FOCAD: variants seen among roughly 807,000 people sequenced by gnomAD.
FOCAD encodes the protein KIAA1797.
A neutral mutation model predicts 225.6 loss-of-function variants in FOCAD; 198 were observed. That is an observed-to-expected ratio of 0.88 (90% CI 0.78 to 0.99). The LOEUF is 0.99. Ranked by LOEUF, FOCAD falls within the 50% of genes least tolerant of loss-of-function variation. The pLI is 0.00. For missense variants in FOCAD, 2,713 were observed against 2,123.6 expected (o/e 1.28, Z -5.46); for synonymous variants, 897 against 755.0 (o/e 1.19, Z -3.08).
chr9:20,743,240 A>G (rs1435247688), intron 5 of FOCAD, among the ~76,000 whole-genome samples: 1 of 152,230 alleles, frequency 6.6e-6, no homozygotes, highest in Non-Finnish European at 1.5e-5. Flanking sequence ...CTCCACTGAG[A>G]GGTGTTTTCT....
rs1564165798 is a variant in FOCAD, at chr9:20,929,356, A to C, written c.3079-2A>C. The stretch of plus-strand genomic sequence containing the variant: ...CTGTTTTCTTTCTTTGGCATGTCCT[A>C]GAAGTCCTATTCTGGTGAAAACACA... On this transcript the variant is annotated splice_acceptor_variant, in intron 26 of 43. Coordinates refer to ENST00000338382, the MANE Select transcript of FOCAD (RefSeq NM_001375567.1). LOFTEE classifies it high-confidence loss of function. 1.2e-6 allele frequency: 2 copies of C among 1,613,146 alleles called. No individual in the cohort carries two copies. Among genetic ancestry groups the C allele is most frequent in the Admixed American group, 3.3e-5 (2 of 60,004 alleles).
At chr9:20,793,796 A>G (rs1820786049) in intron 11 of FOCAD, among the ~76,000 whole-genome samples, 1 of 152,224 alleles carries the variant, frequency 6.6e-6, no homozygotes, top group African/African-American at 2.4e-5. Flanking sequence ...GAATCAGAGC[A>G]GGCTTTGTGG....
chr9:20,879,222 A>G (rs1830476851), intron 19 of FOCAD, among the ~76,000 whole-genome samples: 1 of 152,202 alleles, frequency 6.6e-6, no homozygotes, highest in Admixed American at 6.5e-5. Flanking sequence ...TAAAGACAGT[A>G]ACAAGGTAAT....
Position 20,820,426 on chromosome 9 carries a change from G to T in FOCAD, c.1662+1G>T, listed in dbSNP as rs1396806622. 1.2e-6 allele frequency: 2 copies of T among 1,611,048 alleles called. No individual in the cohort carries two copies. Among genetic ancestry groups the T allele is most frequent in the Non-Finnish European group, 1.7e-6 (2 of 1,178,144 alleles). The stretch of plus-strand genomic sequence containing the variant: ...GCTGACATCTTTGTGGGAAAAGCAG[G>T]TAATTTCAGATATACACTTGCATGA... On this transcript the variant is annotated splice_donor_variant, in intron 13 of 43. Coordinates refer to ENST00000338382, the MANE Select transcript of FOCAD (RefSeq NM_001375567.1). LOFTEE classifies it high-confidence loss of function.
At chr9:20,752,523 T>C (rs1446461857) in intron 5 of FOCAD, among the ~76,000 whole-genome samples, 2 of 152,202 alleles carry the variant, frequency 1.3e-5, no homozygotes, top group South Asian at 4.1e-4. Context: ...TCTATATCTC[T>C]GTTTTGGTAC....
intron 35 of FOCAD, among the ~76,000 whole-genome samples, chr9:20,962,365 T>A (rs1838817663): frequency 6.6e-6 from 1 of 152,052 alleles, no homozygotes; most frequent in African/African-American, 2.4e-5. Flanking sequence ...TTTCTAATAT[T>A]TGTTTATCTA....
intron 1 of FOCAD, among the ~76,000 whole-genome samples, chr9:20,696,800 C>CTTA (rs1401708487): frequency 6.6e-6 from 1 of 150,920 alleles, no homozygotes; most frequent in Non-Finnish European, 1.5e-5. Context: ...AAGACTCTAT[C>CTTA]TTATAATAAT....
At chr9:20,789,263 T>C in intron 10 of FOCAD, 88 bp from the exon 11 acceptor site, 1 of 1,440,530 alleles carries the variant, frequency 6.9e-7, no homozygotes, top group Non-Finnish European at 9.6e-7. Context: ...AGTGATATCT[T>C]ACAATGAAAT....
intron 35 of FOCAD, among the ~76,000 whole-genome samples, chr9:20,959,660 T>C (rs1838516807): frequency 6.6e-6 from 1 of 152,164 alleles, no homozygotes; most frequent in Admixed American, 6.5e-5. Flanking sequence ...AGTTTTATCA[T>C]TTTGTGTCTT....
chr9:20,896,104 G>C (rs1466561153), intron 21 of FOCAD, among the ~76,000 whole-genome samples: 1 of 151,756 alleles, frequency 6.6e-6, no homozygotes, highest in Non-Finnish European at 1.5e-5. Flanking sequence ...TGCTTTTTCT[G>C]CATCTATTGA....
upstream of FOCAD, among the ~76,000 whole-genome samples, chr9:20,656,939 C>T (rs7858978): frequency 0.21 from 31,470 of 149,302 alleles, 3,532 homozygotes; most frequent in African/African-American, 0.24. Context: ...CCATGTTTAG[C>T]GCTTCCTTCA....
chr9:20,880,596 A>G (rs565183956), intron 19 of FOCAD, among the ~76,000 whole-genome samples: 16 of 152,314 alleles, frequency 1.1e-4, no homozygotes, highest in African/African-American at 3.8e-4. Flanking sequence ...GAGTAAATGG[A>G]AAACGTCACA....
chr9:20,810,183 A>G (rs1219447296), intron 11 of FOCAD, among the ~76,000 whole-genome samples: 1 of 152,178 alleles, frequency 6.6e-6, no homozygotes, highest in Non-Finnish European at 1.5e-5. Context: ...CACAGGGTGT[A>G]CTGAATTCCT....
intron 15 of FOCAD, among the ~76,000 whole-genome samples, chr9:20,836,000 A>G (rs918643111): frequency 6.6e-6 from 1 of 152,044 alleles, no homozygotes; most frequent in Non-Finnish European, 1.5e-5. Flanking sequence ...CCCTGTGCCA[A>G]GGTTATGTTT....
chr9:20,933,383 G>A (rs1835668905), intron 28 of FOCAD, among the ~76,000 whole-genome samples: 1 of 152,108 alleles, frequency 6.6e-6, no homozygotes, highest in Non-Finnish European at 1.5e-5. Flanking sequence ...AAAGTCCAGT[G>A]TGTGATTCTT....
At chr9:20,756,424 A>G (rs368899460) in intron 5 of FOCAD, among the ~76,000 whole-genome samples, 16 of 152,268 alleles carry the variant, frequency 1.1e-4, no homozygotes, top group African/African-American at 2.9e-4. Flanking sequence ...AAAAAATAGT[A>G]CATTTCCCAC....
chr9:20,821,142 G>T lies in FOCAD; in HGVS notation c.1793+71G>T. ...TTTGTATTTAATTTTTTAATTGCAA[G>T]CAAGAGGCAAGAAAAGATAGGCAGA... On this transcript the variant is annotated intron_variant, in intron 14 of 43. Transcript: ENST00000338382. 10 of 1,430,430 alleles carry T rather than the reference G, an allele frequency of 7.0e-6. 1 individual carries two copies. In the South Asian group the frequency reaches 1.2e-4, roughly 18 times the overall value. The allele number at this position is 1,430,430 out of a possible 1,614,324, so 88.6% of individuals were successfully genotyped here.
At chr9:20,778,947 TATAAC>T (rs1271735548) in intron 9 of FOCAD, among the ~76,000 whole-genome samples, 179 bp downstream of exon 9, 2 of 152,242 alleles carry the variant, frequency 1.3e-5, no homozygotes, top group Non-Finnish European at 2.9e-5. Flanking sequence ...CAAGTTTTAA[TATAAC>T]ATAATTTACC....
At position 20,960,680 on chromosome 9, in the gene FOCAD, A is replaced by G. The variant is rs559569404; in HGVS notation, c.4132+7615A>G. 1.1e-4 allele frequency among the ~76,000 whole-genome samples: 17 copies of G among 151,680 alleles called. No homozygotes were observed. In the South Asian group the frequency reaches 3.6e-3, roughly 32 times the overall value. ...TACATGTGCCATATTGGTGTGCTGC[A>G]CCCATTAACTCGTCATTTACATTGG... On this transcript the variant is annotated intron_variant, in intron 35 of 43. Transcript: ENST00000338382.
Sources: allele counts gnomAD v4.1 joint callset (sites outside exome capture counted in the v4.1 genomes callset), GRCh38; gene constraint gnomAD v4.1.1; transcripts MANE v1.5; gene names NCBI Gene and HGNC (gene_info 2026-07-23, HGNC 2026-07-21).